RAP1B: variants seen among roughly 807,000 people sequenced by gnomAD.
RAP1B encodes the protein RAP1B, member of RAS oncogene family.
A neutral mutation model predicts 27.5 loss-of-function variants in RAP1B; 1 was observed. The ratio of observed to expected loss-of-function variants is 0.04; its 90% CI spans 0.01 to 0.17. RAP1B has a LOEUF of 0.17. RAP1B is among the 10% of genes least tolerant of loss of function. The pLI is 1.00. For missense variants in RAP1B, 84 were observed against 214.8 expected (o/e 0.39, Z 3.81); for synonymous variants, 75 against 73.1 (o/e 1.03, Z -0.13).
chr12:68,627,194 G>A, intron 1 of RAP1B: 1 of 1,538,006 alleles, frequency 6.5e-7, no homozygotes, highest in Non-Finnish European at 8.9e-7. Context: ...ACCTACACTG[G>A]GGTAGTGCAA....
At chr12:68,617,595 G>A (rs928328298) in intron 1 of RAP1B, among the ~76,000 whole-genome samples, 8 of 152,098 alleles carry the variant, frequency 5.3e-5, no homozygotes, top group East Asian at 1.9e-4. Context: ...AGTATCATCC[G>A]TAATGCCATC....
At position 68,663,971 on chromosome 12, in the gene RAP1B, AT is replaced by A. The variant is rs1874739365; in HGVS notation, c.*4729del. The A allele has an allele frequency of 6.6e-6, 1 of 152,064 alleles. No homozygotes were observed. Among genetic ancestry groups the A allele is most frequent in the African/African-American group, 2.4e-5 (1 of 41,418 alleles). The allele number at this position is 152,064 out of a possible 1,614,324, so 9.4% of individuals were successfully genotyped here. On this transcript the variant is annotated 3_prime_UTR_variant, in exon 8 of 8. Coordinates refer to ENST00000250559, the MANE Select transcript of RAP1B (RefSeq NM_001010942.3). ...GAGCTGTCATTTTTCATATATATAAATTTTTTTATTCATAGGTAATCTAATT... is the reference window on the plus strand; with the variant it reads ...GAGCTGTCATTTTTCATATATATAAATTTTTTATTCATAGGTAATCTAATT...
intron 1 of RAP1B, among the ~76,000 whole-genome samples, chr12:68,645,582 A>G (rs1293310405): frequency 1.3e-5 from 2 of 152,264 alleles, no homozygotes; most frequent in East Asian, 3.8e-4. Context: ...TACAAATAAC[A>G]GGTGCTACAG....
At chr12:68,648,826 C>T (rs973577845) in intron 2 of RAP1B, 45 bp downstream of exon 2, 2 of 1,526,454 alleles carry the variant, frequency 1.3e-6, no homozygotes, top group African/African-American at 2.8e-5. Flanking sequence ...CCAAGACGTT[C>T]TTTTTCTGTT....
At chr12:68,640,389 C>T (rs148345918) in intron 1 of RAP1B, among the ~76,000 whole-genome samples, 2 of 151,998 alleles carry the variant, frequency 1.3e-5, no homozygotes, top group East Asian at 1.9e-4. Flanking sequence ...ACCCTTTACT[C>T]CAGATTATAA....
At chr12:68,637,441 T>C (rs58661825) in intron 1 of RAP1B, among the ~76,000 whole-genome samples, 1 of 151,490 alleles carries the variant, frequency 6.6e-6, no homozygotes, top group South Asian at 2.1e-4. Context: ...CTACTAAAAA[T>C]ATAAAATTAG....
At chr12:68,641,271 GC>G (rs1244647985) in intron 1 of RAP1B, 2 of 152,128 alleles carry the variant, frequency 1.3e-5, no homozygotes, top group Admixed American at 1.3e-4. Flanking sequence ...GTCTCTGTCT[GC>G]CAGAGTGCTG....
chr12:68,655,262 T>C (rs1592468764), intron 5 of RAP1B, among the ~76,000 whole-genome samples: 1 of 152,088 alleles, frequency 6.6e-6, no homozygotes, highest in African/African-American at 2.4e-5. Flanking sequence ...AGGTTGGCAG[T>C]GAGCTGAGAT....
chr12:68,611,383 C>T (rs968696349), intron 1 of RAP1B, among the ~76,000 whole-genome samples: 1 of 145,602 alleles, frequency 6.9e-6, no homozygotes, highest in Non-Finnish European at 1.5e-5. Context: ...CCCGCGTCCG[C>T]CGCAGCTTCT....
At chr12:68,642,561 C>T (rs370656363) in intron 1 of RAP1B, 41 of 1,071,068 alleles carry the variant, frequency 3.8e-5, no homozygotes, top group East Asian at 7.1e-5. Context: ...TACTTTTTCT[C>T]GTCTAATTTG....
Position 68,663,460 on chromosome 12 carries a change from A to G in RAP1B, c.*4211A>G, listed in dbSNP as rs1874714871. The G allele has an allele frequency of 6.6e-6, 1 of 152,186 alleles. No individual in the cohort carries two copies. Among genetic ancestry groups the G allele is most frequent in the Non-Finnish European group, 1.5e-5 (1 of 68,036 alleles). The allele number at this position is 152,186 out of a possible 1,614,324, so 9.4% of individuals were successfully genotyped here. Reference sequence around the variant, plus strand: ...ATATGTTTCCTTAACTATTGGGAGGAAAATGGATGAGTCTGTGTTGGGATA... The same window carrying G: ...ATATGTTTCCTTAACTATTGGGAGGGAAATGGATGAGTCTGTGTTGGGATA... On this transcript the variant is annotated 3_prime_UTR_variant, in exon 8 of 8. Transcript: ENST00000250559.
chr12:68,659,131 G>A (rs1258696610), intron 7 of RAP1B, 149 bp from the exon 8 acceptor site: 5 of 362,364 alleles, frequency 1.4e-5, no homozygotes, highest in South Asian at 6.5e-5. Context: ...GCCGTGAATT[G>A]TGGTATGTTG....
intron 1 of RAP1B, among the ~76,000 whole-genome samples, chr12:68,646,175 A>G (rs1873393175): frequency 1.3e-5 from 2 of 152,306 alleles, no homozygotes; most frequent in African/African-American, 4.8e-5. Flanking sequence ...CCTCTGATAA[A>G]TGTATAGTTT....
In RAP1B at chr12:68,664,986, A is replaced by G. The variant is rs570086595; in HGVS notation, c.*5737A>G. ...GCAAATCAACCAATAATGAAAAACT[A>G]TGTGGCTGGCAGAAAAAAATAAGTG... On this transcript the variant is annotated 3_prime_UTR_variant, in exon 8 of 8. Transcript: ENST00000250559. 2.6e-5 allele frequency: 4 copies of G among 152,236 alleles called. No individual in the cohort carries two copies. Among genetic ancestry groups the G allele is most frequent in the Admixed American group, 6.5e-5 (1 of 15,290 alleles). 9.4% of individuals were successfully genotyped at this position (152,236 alleles called of 1,614,324 possible). A position where few individuals can be genotyped will look rare whatever the true frequency, so the allele number is the denominator to read the frequency against.
chr12:68,656,583 C>T (rs2135969906), intron 6 of RAP1B, 134 bp downstream of exon 6: 2 of 810,262 alleles, frequency 2.5e-6, no homozygotes, highest in Non-Finnish European at 4.0e-6. Context: ...AAAAAACCCT[C>T]ATGTTAAATG....
At position 68,667,718 on chromosome 12, in the gene RAP1B, T is replaced by G. The variant is rs890884309; in HGVS notation, c.*8469T>G. 2.0e-5 allele frequency: 3 copies of G among 152,334 alleles called. No homozygotes were observed. Among genetic ancestry groups the G allele is most frequent in the Admixed American group, 1.3e-4 (2 of 15,290 alleles). The allele number at this position is 152,334 out of a possible 1,614,324, so 9.4% of individuals were successfully genotyped here. ...TCTATAAGAGCTGTTGTGGAAAAAG[T>G]TCTCACTTCACTTACTCATTCCTTT... On this transcript the variant is annotated 3_prime_UTR_variant, in exon 8 of 8. Coordinates refer to ENST00000250559, the MANE Select transcript of RAP1B (RefSeq NM_001010942.3).
At chr12:68,658,179 A>G (rs1874363070) in intron 7 of RAP1B, among the ~76,000 whole-genome samples, 1 of 152,150 alleles carries the variant, frequency 6.6e-6, no homozygotes, top group African/African-American at 2.4e-5. Flanking sequence ...TCCTATGTTA[A>G]TTGACTCAGT....
At chr12:68,637,300 A>T (rs1290565866) in intron 1 of RAP1B, among the ~76,000 whole-genome samples, 2 of 152,132 alleles carry the variant, frequency 1.3e-5, no homozygotes, top group Non-Finnish European at 2.9e-5. Context: ...TTCACAGATT[A>T]AGACACCAGC....
chr12:68,612,719 C>T (rs889750007), intron 1 of RAP1B, among the ~76,000 whole-genome samples: 3 of 152,214 alleles, frequency 2.0e-5, no homozygotes, highest in African/African-American at 7.2e-5. Flanking sequence ...AACTGATACT[C>T]AGATTAAATA....
Sources: allele counts gnomAD v4.1 joint callset (sites outside exome capture counted in the v4.1 genomes callset), GRCh38; gene constraint gnomAD v4.1.1; transcripts MANE v1.5; gene names NCBI Gene and HGNC (gene_info 2026-07-23, HGNC 2026-07-21).